The following IWS1 variants were observed in gnomAD, a reference collection of about 807,000 sequenced individuals.
IWS1 encodes the protein protein IWS1 homolog.
IWS1 carries 27 observed loss-of-function variants against 86.7 expected under a neutral mutation model. The ratio of observed to expected loss-of-function variants is 0.31; its 90% CI spans 0.23 to 0.43. IWS1 has a LOEUF of 0.43. Among genes scored for constraint, IWS1 ranks in the 20% least tolerant of loss-of-function variants. IWS1 has a pLI of 1.00. For missense variants in IWS1, 827 were observed against 1,000.8 expected, an observed-to-expected ratio of 0.83 and a Z score of 2.34; for synonymous variants, 313 against 335.1, an observed-to-expected ratio of 0.93 and a Z score of 0.72.
rs78870658 is a variant in IWS1 at position 127,494,118 on chromosome 2, C to T, written c.1800-708G>A. ...TCAGAAATATAAGCAAATCAGGGCC[C>T]GGTGTGGTGGCTCACACCTGTAATC... is the stretch of plus-strand genomic sequence containing the variant. On this transcript the variant is annotated intron_variant, in intron 8 of 13. Transcript: ENST00000295321. 9.0e-3 allele frequency among the ~76,000 whole-genome samples: 1,360 copies of T among 151,756 alleles called. 18 individuals are homozygous for T. The highest frequency in any genetic ancestry group is 0.031 in the African/African-American group (1,293 of 41,384).
rs956950132 is a variant in IWS1, at chr2:127,480,936, C to T, written c.*108G>A. The stretch of plus-strand genomic sequence containing the variant: ...GAGTCCTATGACAACATCTGATACA[C>T]GCTGAACCATTTACAGACACACTAA... On this transcript the variant is annotated 3_prime_UTR_variant, in exon 14 of 14. Transcript: ENST00000295321. 44 of 1,252,684 alleles carry T rather than the reference C, an allele frequency of 3.5e-5. No individual in the cohort carries two copies. The highest frequency in any genetic ancestry group is 2.9e-4 in the African/African-American group (19 of 65,636). The allele number at this position is 1,252,684 out of a possible 1,614,324, so 77.6% of individuals were successfully genotyped here.
At chr2:127,525,446 TA>T (rs1156930602) in intron 1 of IWS1, among the ~76,000 whole-genome samples, 1 of 152,200 alleles carries the variant, frequency 6.6e-6, no homozygotes, top group Non-Finnish European at 1.5e-5. Context: ...TGTATTTATT[TA>T]TGGTGTATTT....
chr2:127,502,808 T>C lies in IWS1; in HGVS notation c.1467+7A>G, dbSNP rs776362277. The C allele has an allele frequency of 6.7e-7, 1 of 1,483,384 alleles. No individual in the cohort carries two copies. The highest frequency in any genetic ancestry group is 9.4e-7 in the Non-Finnish European group (1 of 1,064,352). 91.9% of individuals were successfully genotyped at this position (1,483,384 alleles called of 1,614,324 possible). Reference sequence around the variant, plus strand: ...TCAAGGAGGAAATATTTCCATCTTATACTTACTGTAAATTCTTCTTCCTCT... The same window carrying C: ...TCAAGGAGGAAATATTTCCATCTTACACTTACTGTAAATTCTTCTTCCTCT... On this transcript the variant is annotated splice_region_variant and intron_variant, in intron 5 of 13. Transcript: ENST00000295321.
intron 2 of IWS1, chr2:127,514,387 A>C (rs1279809449): frequency 6.5e-6 from 1 of 154,480 alleles, no homozygotes; most frequent in African/African-American, 2.4e-5. Context: ...CCTCCCGCTT[A>C]CCCAGCAATG....
At chr2:127,503,708 AATAAAATC>A in intron 3 of IWS1, 132 bp from the exon 4 acceptor site, 3 of 347,068 alleles carry the variant, frequency 8.6e-6, no homozygotes, top group Non-Finnish European at 1.4e-5. Flanking sequence ...AAATAAATAA[AATAAAATC>A]AGAGGGCCTC....
chr2:127,526,238 G>C lies in IWS1; in HGVS notation c.-30C>G. On this transcript the variant is annotated 5_prime_UTR_variant, in exon 1 of 14. Transcript: ENST00000295321. The stretch of plus-strand genomic sequence containing the variant: ...GGCGGACTCTCAGCGGGGAGTGTCC[G>C]CGCCCCGCGCCGCCCCCGTCACCTC... 1 of 1,552,546 alleles carries C rather than the reference G, an allele frequency of 6.4e-7. No individual in the cohort carries two copies. Among genetic ancestry groups the C allele is most frequent in the Non-Finnish European group, 8.7e-7 (1 of 1,149,622 alleles).
intron 6 of IWS1, among the ~76,000 whole-genome samples, chr2:127,496,760 C>T (rs1283067250): frequency 6.6e-6 from 1 of 152,070 alleles, no homozygotes; most frequent in Non-Finnish European, 1.5e-5. Flanking sequence ...TTTGTAGAGA[C>T]AGGGAGGGCC....
intron 3 of IWS1, among the ~76,000 whole-genome samples, chr2:127,504,426 A>AT (rs1393088729): frequency 3.9e-5 from 6 of 152,086 alleles, no homozygotes; most frequent in African/African-American, 1.4e-4. Flanking sequence ...AAAAAACAGT[A>AT]TTTTATATTC....
Position 127,502,801 on chromosome 2 carries a change from C to T in IWS1, c.1467+14G>A. ...AGCACAATCAAGGAGGAAATATTTC[C>T]ATCTTATACTTACTGTAAATTCTTC... On this transcript the variant is annotated intron_variant, in intron 5 of 13. Coordinates refer to ENST00000295321, the MANE Select transcript of IWS1 (RefSeq NM_017969.3). 1.4e-6 allele frequency: 2 copies of T among 1,428,022 alleles called. No homozygotes were observed. The highest frequency in any genetic ancestry group is 2.0e-6 in the Non-Finnish European group (2 of 1,019,238). The allele number at this position is 1,428,022 out of a possible 1,614,324, so 88.5% of individuals were successfully genotyped here.
At chr2:127,502,379 A>G (rs1690868724) in intron 5 of IWS1, among the ~76,000 whole-genome samples, 2 of 152,180 alleles carry the variant, frequency 1.3e-5, no homozygotes, top group Admixed American at 1.3e-4. Flanking sequence ...TAAACACTGA[A>G]TTACCACTTT....
chr2:127,490,065 C>A, intron 10 of IWS1, 122 bp from the exon 11 acceptor site: 5 of 655,934 alleles, frequency 7.6e-6, no homozygotes, highest in Non-Finnish European at 1.4e-5. Flanking sequence ...CTTGAAGAGT[C>A]CATTATTTCA....
intron 2 of IWS1, among the ~76,000 whole-genome samples, chr2:127,513,077 C>T (rs1460354745): frequency 6.6e-6 from 1 of 152,142 alleles, no homozygotes; most frequent in Non-Finnish European, 1.5e-5. Flanking sequence ...CCTGTCTCTA[C>T]TAAAAATACA....
At chr2:127,484,526 T>C (rs539569184) in intron 13 of IWS1, 2 of 152,304 alleles carry the variant, frequency 1.3e-5, no homozygotes, top group African/African-American at 4.8e-5. Context: ...GCTCCACCTA[T>C]GGGGAAGTGG....
At chr2:127,495,496 T>C (rs1199541163) in intron 7 of IWS1, among the ~76,000 whole-genome samples, 1 of 152,242 alleles carries the variant, frequency 6.6e-6, no homozygotes, top group African/African-American at 2.4e-5. Context: ...TCTTGAATTG[T>C]TTTGAAAGAA....
intron 7 of IWS1, 121 bp from the exon 8 acceptor site, chr2:127,495,075 A>G: frequency 1.6e-6 from 1 of 616,980 alleles, no homozygotes; most frequent in East Asian, 2.9e-5. Context: ...CCTACAAGAA[A>G]GAATAATTTA....
rs759687345 is a variant in IWS1, at chr2:127,503,558, A to G, written c.1238T>C (p.Val413Ala). The change falls in exon 4 of 14, where the codon GTT becomes GCT. Residue 413 changes from valine to alanine, a missense_variant. This residue lies in a region of IWS1 where 548 missense variants were observed against 560.2 expected (regional missense o/e 0.98). Transcript: ENST00000295321. ...EEKASAKKSRVVSDADDSDSD... is the reference protein window; with the variant it reads ...EEKASAKKSRAVSDADDSDSD... ...GTCAGAGTCATCTGCATCAGAGACA[A>G]CACGACTCTTCTTTGCTGCTGTTGA... 2 of 1,593,584 alleles carry G rather than the reference A, an allele frequency of 1.3e-6. No individual in the cohort carries two copies. The highest frequency in any genetic ancestry group is 2.2e-5 in the East Asian group (1 of 44,514).
chr2:127,503,651 A>G (rs1690933715), intron 3 of IWS1, 75 bp from the exon 4 acceptor site: 2 of 797,210 alleles, frequency 2.5e-6, no homozygotes, highest in Non-Finnish European at 3.6e-6. Context: ...AGGTGCTTTA[A>G]GATGGCAGTA....
At position 127,489,957 on chromosome 2, in the gene IWS1, A is replaced by G. The variant is rs1195037120; in HGVS notation, c.2048-14T>C. ...TAGACCACTCATCTGTAGTAAGAAA[A>G]AAATCAATTATTTTGTCCATAAAAT... On this transcript the variant is annotated splice_polypyrimidine_tract_variant and intron_variant, in intron 10 of 13. Coordinates refer to ENST00000295321, the MANE Select transcript of IWS1 (RefSeq NM_017969.3). The surrounding 1 kb of genome is among the most constrained non-coding windows in gnomAD (Gnocchi z 4.8). 1 of 1,384,492 alleles carries G rather than the reference A, an allele frequency of 7.2e-7. No individual in the cohort carries two copies. The highest frequency in any genetic ancestry group is 1.7e-5 in the Admixed American group (1 of 58,042). The allele number at this position is 1,384,492 out of a possible 1,614,324, so 85.8% of individuals were successfully genotyped here.
At chr2:127,496,967 C>T (rs1690544776) in intron 6 of IWS1, among the ~76,000 whole-genome samples, 1 of 152,222 alleles carries the variant, frequency 6.6e-6, no homozygotes, top group Non-Finnish European at 1.5e-5. Context: ...CAATAACATG[C>T]TGCACAGGTT....
Sources: gnomAD v4.1 joint callset for allele counts (sites outside exome capture counted in the v4.1 genomes callset) on GRCh38, gnomAD v4.1.1 for gene constraint, gnomAD v4.1.1 regional missense constraint, Gnocchi (gnomAD v3.1) non-coding constraint, MANE v1.5 for transcripts, NCBI Gene and HGNC (gene_info 2026-07-23, HGNC 2026-07-21) for gene names.